Variants in XRCC6 observed in about 807,000 individuals in gnomAD.
XRCC6 encodes the protein X-ray repair cross complementing 6.
XRCC6 carries 5 observed loss-of-function variants against 65.7 expected under a neutral mutation model. The observed-to-expected ratio is 0.08, with a 90% CI of 0.04 to 0.16. The LOEUF is 0.16. XRCC6 is among the 10% of genes least tolerant of loss of function. The pLI is 1.00. For synonymous variants in XRCC6, 270 were observed against 270.6 expected (o/e 1.00, Z 0.02); for missense variants, 447 against 738.1 (o/e 0.61, Z 4.57).
intron 6 of XRCC6, among the ~76,000 whole-genome samples, chr22:41,642,576 C>T (rs1315607065): frequency 6.6e-6 from 1 of 152,144 alleles, no homozygotes. Context: ...GTTCCACATA[C>T]ATTTTAGGAT....
intron 2 of XRCC6, among the ~76,000 whole-genome samples, chr22:41,626,846 T>A (rs2067681401): frequency 6.6e-6 from 1 of 151,912 alleles, no homozygotes; most frequent in African/African-American, 2.4e-5. Flanking sequence ...TTCACCGTAT[T>A]AGCTAGGATG....
chr22:41,652,280 G>A (rs1416654290), intron 8 of XRCC6, among the ~76,000 whole-genome samples: 1 of 151,798 alleles, frequency 6.6e-6, no homozygotes, highest in African/African-American at 2.4e-5. Flanking sequence ...GAACACCCCA[G>A]ATTTGACTCG....
intron 3 of XRCC6, among the ~76,000 whole-genome samples, chr22:41,632,125 AGGGAGAGGGAGACCGTG>A (rs1197721630): frequency 0.013 from 1,972 of 148,088 alleles, 27 homozygotes; most frequent in African/African-American, 0.041. Flanking sequence ...GTGGAAAGAG[AGGGAGAGGGAGACCGTG>A]GGGAGAGGGA....
intron 8 of XRCC6, 50 bp from the exon 9 acceptor site, chr22:41,653,479 A>C (rs774001860): frequency 6.6e-7 from 1 of 1,518,436 alleles, no homozygotes; most frequent in Non-Finnish European, 8.9e-7. Flanking sequence ...AAAGAGAAGA[A>C]AGGAGGAAAC....
intron 3 of XRCC6, among the ~76,000 whole-genome samples, chr22:41,632,015 G>T (rs1423460392): frequency 1.3e-5 from 2 of 152,288 alleles, no homozygotes; most frequent in East Asian, 1.9e-4. Context: ...GCAATCGCAG[G>T]TGCTCGGCAG....
At chr22:41,627,817 T>C (rs970991874) in intron 2 of XRCC6, among the ~76,000 whole-genome samples, 1 of 151,820 alleles carries the variant, frequency 6.6e-6, no homozygotes, top group Admixed American at 6.6e-5. Flanking sequence ...GAGGTTGCAG[T>C]GAGCTATCAT....
rs750942031 is a variant in XRCC6 at position 41,637,760 on chromosome 22, G to T, written c.742G>T (p.Ala248Ser). 3.7e-6 allele frequency: 6 copies of T among 1,613,884 alleles called. No homozygotes were observed. In the Admixed American group the frequency reaches 1.0e-4, roughly 27 times the overall value. Residue 248 changes from alanine (A) to serine (S), a missense_variant, in exon 6 of 13, where the codon GCC (alanine) becomes TCC (serine). Ala to Ser is a moderately conservative substitution (Grantham distance 99). Around this residue, in one of 4 missense-constraint regions of XRCC6, gnomAD observed 228 missense variants for 307.4 expected, o/e 0.74. Transcript: ENST00000360079. ...AGAAGACCTGTTGCGGAAGGTTCGC[G>T]CCAAGGAGACCAGGAAGCGAGCACT... ...KLEDLLRKVR[A>S]KETRKRALSR...
At chr22:41,623,385 T>G (rs2067632350) in intron 2 of XRCC6, among the ~76,000 whole-genome samples, 1 of 152,082 alleles carries the variant, frequency 6.6e-6, no homozygotes, top group Non-Finnish European at 1.5e-5. Context: ...AGACTGTATC[T>G]GATTTCTTTT....
chr22:41,634,853 G>A (rs1439017884), intron 3 of XRCC6, among the ~76,000 whole-genome samples: 2 of 152,072 alleles, frequency 1.3e-5, no homozygotes, highest in Non-Finnish European at 2.9e-5. Flanking sequence ...GAACTGATGA[G>A]CTCTTACAAG....
At chr22:41,621,936 G>C in intron 1 of XRCC6, 54 bp from the exon 2 acceptor site, 4 of 1,537,642 alleles carry the variant, frequency 2.6e-6, no homozygotes, top group East Asian at 2.2e-5. Context: ...CCTAGAGGTC[G>C]GTATTTTTTC....
chr22:41,651,849 T>G (rs1046013898), intron 8 of XRCC6, among the ~76,000 whole-genome samples: 1 of 152,006 alleles, frequency 6.6e-6, no homozygotes, highest in Non-Finnish European at 1.5e-5. Context: ...AGTGGCGCAA[T>G]CTCGGCTCAC....
intron 7 of XRCC6, among the ~76,000 whole-genome samples, chr22:41,649,800 G>A (rs1225986307): frequency 6.6e-6 from 1 of 151,006 alleles, no homozygotes; most frequent in Non-Finnish European, 1.5e-5. Context: ...AGCCTGCAGT[G>A]AGCCGAGATC....
chr22:41,663,166 A>G (rs1438031427), intron 12 of XRCC6, among the ~76,000 whole-genome samples: 1 of 152,124 alleles, frequency 6.6e-6, no homozygotes, highest in African/African-American at 2.4e-5. Flanking sequence ...GCTCAATCAC[A>G]GTTCACTGGC....
intron 11 of XRCC6, among the ~76,000 whole-genome samples, chr22:41,660,314 CCT>C (rs1302769289): frequency 4.6e-5 from 7 of 152,200 alleles, no homozygotes; most frequent in African/African-American, 9.6e-5. Flanking sequence ...ACTTGCTCCC[CCT>C]GTTTCAGCCA....
intron 2 of XRCC6, among the ~76,000 whole-genome samples, chr22:41,626,345 G>A (rs1429379820): frequency 1.3e-5 from 2 of 152,006 alleles, no homozygotes; most frequent in African/African-American, 2.4e-5. Context: ...GTTTCACCAT[G>A]TTGTCCAGGA....
chr22:41,637,715 T>G lies in XRCC6; in HGVS notation c.697T>G (p.Phe233Val), dbSNP rs1253724582. 1 of 1,613,858 alleles carries G rather than the reference T, an allele frequency of 6.2e-7. No individual in the cohort carries two copies. The highest frequency in any genetic ancestry group is 8.5e-7 in the Non-Finnish European group (1 of 1,179,984). Residue 233 changes from phenylalanine (F) to valine (V), a missense_variant, in exon 6 of 13, where the codon TTT (phenylalanine) becomes GTT (valine). Physicochemically the swap from Phe to Val is conservative, Grantham distance 50. Coordinates refer to ENST00000360079, the MANE Select transcript of XRCC6 (RefSeq NM_001469.5). ...IAEDEDLRVHFEESSKLEDLL... is the reference protein window; with the variant it reads ...IAEDEDLRVHVEESSKLEDLL... ...AGAGGATGAGGACCTCAGGGTTCACTTTGAGGAATCCAGCAAGCTAGAAGA... is the reference window on the plus strand; with the variant it reads ...AGAGGATGAGGACCTCAGGGTTCACGTTGAGGAATCCAGCAAGCTAGAAGA...
chr22:41,633,128 A>G (rs2067773693), intron 3 of XRCC6, among the ~76,000 whole-genome samples: 1 of 150,654 alleles, frequency 6.6e-6, no homozygotes, highest in South Asian at 2.1e-4. Flanking sequence ...CTCTGTCTCA[A>G]AAAAAAAAAG....
chr22:41,638,913 A>G (rs1185851602), intron 6 of XRCC6, among the ~76,000 whole-genome samples: 1 of 152,230 alleles, frequency 6.6e-6, no homozygotes, highest in Non-Finnish European at 1.5e-5. Flanking sequence ...GGCCTAGGAC[A>G]TGACTGCATA....
Position 41,631,572 on chromosome 22 carries a change from C to T in XRCC6, c.195+3342C>T, listed in dbSNP as rs568300491. ...CGCTCCCCACATCTCAGACGATGGG[C>T]GGCCGGGCAGAGACGCTCCTCACTT... On this transcript the variant is annotated intron_variant, in intron 3 of 12. Coordinates refer to ENST00000360079, the MANE Select transcript of XRCC6 (RefSeq NM_001469.5). Among the ~76,000 whole-genome samples, 42 of 129,510 alleles carry T rather than the reference C, an allele frequency of 3.2e-4. No individual in the cohort carries two copies. In the South Asian group the frequency reaches 6.4e-3, roughly 20 times the overall value. 85.0% of individuals were successfully genotyped at this position (129,510 alleles called of 152,430 possible).
Sources: gnomAD v4.1 joint callset for allele counts (sites outside exome capture counted in the v4.1 genomes callset) on GRCh38, gnomAD v4.1.1 for gene constraint, gnomAD v4.1.1 regional missense constraint, MANE v1.5 for transcripts, NCBI Gene and HGNC (gene_info 2026-07-23, HGNC 2026-07-21) for gene names.